The following GRHL3 variants were observed in gnomAD, a reference collection of about 807,000 sequenced individuals.
GRHL3 encodes grainyhead like transcription factor 3.
A neutral mutation model predicts 70.3 loss-of-function variants in GRHL3; 20 were observed. That is an observed-to-expected ratio of 0.28 (90% confidence interval 0.20 to 0.41). The LOEUF (loss-of-function observed/expected upper bound fraction) is 0.41, where lower values mean the gene tolerates loss of function less well. Ranked by LOEUF, GRHL3 falls within the 10% of genes least tolerant of loss-of-function variation. The pLI is 1.00. For synonymous variants in GRHL3, 299 were observed against 299.9 expected, an observed-to-expected ratio of 1.00 and a Z score of 0.03; for missense variants, 637 against 762.3, an observed-to-expected ratio of 0.84 and a Z score of 1.94.
chr1:24,323,091 G>C, intron 1 of GRHL3: 2 of 1,545,476 alleles, frequency 1.3e-6, no homozygotes, highest in Non-Finnish European at 1.8e-6. Flanking sequence ...GAAGAATGTG[G>C]ATGAATTCCA....
chr1:24,339,891 T>C, intron 8 of GRHL3, 129 bp downstream of exon 8: 1 of 574,502 alleles, frequency 1.7e-6, no homozygotes, highest in East Asian at 2.8e-5. Context: ...GGAGGCAGGA[T>C]GCAGTGTAGT....
chr1:24,357,071 A>C, downstream of GRHL3: 1 of 130,770 alleles, frequency 7.6e-6, no homozygotes, highest in Admixed American at 7.8e-5. Flanking sequence ...AAAAAAATCC[A>C]TGGTGAACAA....
intron 8 of GRHL3, 72 bp downstream of exon 8, chr1:24,339,834 C>A: frequency 1.0e-6 from 1 of 955,288 alleles, no homozygotes; most frequent in South Asian, 1.5e-5. Flanking sequence ...TAGAGGCTTT[C>A]TTGCACCTAG....
intron 15 of GRHL3, among the ~76,000 whole-genome samples, chr1:24,362,736 AC>A (rs983902518): frequency 2.6e-5 from 4 of 151,874 alleles, no homozygotes; most frequent in African/African-American, 9.7e-5. Context: ...GGCAGGGGAC[AC>A]CCCCCTGGTC....
chr1:24,337,801 TG>T lies in GRHL3; in HGVS notation c.840+14del. ...CCAACAAAGTCAAGGTGCGTTGGCC[TG>T]GAGCAGCTTCAGAAGGGGTGGAATG... On this transcript the variant is annotated intron_variant, in intron 6 of 15. Coordinates refer to ENST00000361548, the MANE Select transcript of GRHL3 (RefSeq NM_198173.3). 6.2e-7 allele frequency: 1 copy of T among 1,614,082 alleles called. No individual in the cohort carries two copies. Among genetic ancestry groups the T allele is most frequent in the Middle Eastern group, 1.7e-4 (1 of 6,060 alleles).
intron 12 of GRHL3, among the ~76,000 whole-genome samples, chr1:24,345,669 C>T (rs955100925): frequency 2.0e-5 from 3 of 152,164 alleles, no homozygotes; most frequent in African/African-American, 7.2e-5. Context: ...GGGGGCCTAG[C>T]TGGGGCCGGC....
intron 15 of GRHL3, 40 bp from the exon 16 acceptor site, chr1:24,354,334 C>A (rs779694407): frequency 1.4e-6 from 2 of 1,427,890 alleles, no homozygotes; most frequent in Non-Finnish European, 9.9e-7. Context: ...GAAAACAGGG[C>A]GCCTGCTGTG....
chr1:24,352,583 T>C (rs1240052068), intron 15 of GRHL3, among the ~76,000 whole-genome samples: 1 of 152,142 alleles, frequency 6.6e-6, no homozygotes, highest in Non-Finnish European at 1.5e-5. Flanking sequence ...TGTGAGCAGG[T>C]GTGAGCTCAG....
intron 11 of GRHL3, 25 bp downstream of exon 11, chr1:24,343,050 G>C: frequency 1.2e-6 from 2 of 1,613,782 alleles, no homozygotes; most frequent in East Asian, 4.5e-5. Flanking sequence ...GGGGTCTCGG[G>C]AAGGAGCCGA....
At chr1:24,349,478 C>T (rs1640419983) in intron 14 of GRHL3, among the ~76,000 whole-genome samples, 1 of 152,242 alleles carries the variant, frequency 6.6e-6, no homozygotes, top group South Asian at 2.1e-4. Flanking sequence ...AAAAAAACAA[C>T]ACTGACCGCT....
At chr1:24,331,357 C>T in intron 1 of GRHL3, 69 bp from the exon 2 acceptor site, 1 of 1,410,258 alleles carries the variant, frequency 7.1e-7, no homozygotes, top group East Asian at 2.4e-5. Context: ...TGGGCGTTGG[C>T]CTGCGGCTGC....
At chr1:24,358,183 T>G, downstream of GRHL3, 1 of 516,314 alleles carries the variant, frequency 1.9e-6, no homozygotes, top group Non-Finnish European at 3.8e-6. Context: ...CAGGGTGGAC[T>G]GATCCTCCTT....
intron 4 of GRHL3, 55 bp downstream of exon 4, chr1:24,336,882 A>C: frequency 7.2e-7 from 1 of 1,395,152 alleles, no homozygotes; most frequent in Non-Finnish European, 9.9e-7. Flanking sequence ...CATATACAGA[A>C]TGAGAGAAGA....
At chr1:24,340,242 C>T (rs953897425) in intron 8 of GRHL3, among the ~76,000 whole-genome samples, 18 of 152,170 alleles carry the variant, frequency 1.2e-4, no homozygotes, top group East Asian at 3.8e-4. Flanking sequence ...CGCAGAATGT[C>T]GCATGCAGGA....
downstream of GRHL3, among the ~76,000 whole-genome samples, chr1:24,359,754 C>T (rs1640972296): frequency 6.6e-6 from 1 of 152,202 alleles, no homozygotes; most frequent in African/African-American, 2.4e-5. This position sits in a 1 kb window ranked among gnomAD's most constrained non-coding sequence, Gnocchi z 5.3. Flanking sequence ...ACCTGCCACA[C>T]ATGTCAGTCC....
chr1:24,341,990 G>C, intron 8 of GRHL3, 125 bp from the exon 9 acceptor site: 1 of 818,416 alleles, frequency 1.2e-6, no homozygotes, highest in Non-Finnish European at 1.9e-6. Context: ...TTGCCTTCTA[G>C]GGGCCTAGTG....
In GRHL3 at chr1:24,334,423, T is replaced by A. The variant is rs1639719574; in HGVS notation, c.205-222T>A. ...AATCAGATACGATGAGAACTCACTG[T>A]CACGAGAACAGCAGCATGGGAGTAA... On this transcript the variant is annotated intron_variant, in intron 2 of 15. Transcript: ENST00000361548. The surrounding 1 kb of genome is among the most constrained non-coding windows in gnomAD (Gnocchi z 4.3). Among the ~76,000 whole-genome samples, 1 of 152,046 alleles carries A rather than the reference T, an allele frequency of 6.6e-6. No homozygotes were observed. Among genetic ancestry groups the A allele is most frequent in the Non-Finnish European group, 1.5e-5 (1 of 68,022 alleles).
chr1:24,362,505 A>G (rs1641187431), intron 15 of GRHL3, among the ~76,000 whole-genome samples: 1 of 152,220 alleles, frequency 6.6e-6, no homozygotes, highest in African/African-American at 2.4e-5. Context: ...ACAGCATTGC[A>G]AGGAACAATG....
Position 24,342,967 on chromosome 1 carries a change from C to T in GRHL3, c.1361C>T (p.Thr454Met), listed in dbSNP as rs41268753. The T allele has an allele frequency of 0.03, 49,095 of 1,614,014 alleles. 967 individuals carry two copies. Among genetic ancestry groups the T allele is most frequent in the Non-Finnish European group, 0.036 (41,893 of 1,179,988 alleles). Residue 454 changes from threonine to methionine, a missense_variant, in exon 11 of 16, where the codon ACG (threonine) becomes ATG (methionine). By Grantham distance (81) the Thr-to-Met change is moderately conservative. This residue lies in a region of GRHL3 where 387 missense variants were observed against 513.8 expected (regional missense o/e 0.75). Coordinates refer to ENST00000361548, the MANE Select transcript of GRHL3 (RefSeq NM_198173.3). The surrounding 1 kb of genome is among the most constrained non-coding windows in gnomAD (Gnocchi z 4.8). ...TYLRPETDLE[T>M]PPVLFIPNVH... ...CTTCGGCCAGAGACTGACCTGGAGA[C>T]GCCACCCGTGCTGTTCATCCCCAAT...
Sources: gnomAD v4.1 joint callset for allele counts (sites outside exome capture counted in the v4.1 genomes callset) on GRCh38, gnomAD v4.1.1 for gene constraint, gnomAD v4.1.1 regional missense constraint, Gnocchi (gnomAD v3.1) non-coding constraint, MANE v1.5 for transcripts, NCBI Gene and HGNC (gene_info 2026-07-23, HGNC 2026-07-21) for gene names.